SNUPN: variants seen among roughly 807,000 people sequenced by gnomAD.
The protein encoded by SNUPN is snurportin-1.
Under a neutral mutation model 39.2 loss-of-function variants are expected in SNUPN, and 31 were observed. The observed-to-expected ratio is 0.79, with a 90% CI of 0.59 to 1.07. SNUPN has a LOEUF of 1.07. Ranked by LOEUF, SNUPN falls within the 50% of genes least tolerant of loss-of-function variation. The pLI, the probability that SNUPN is intolerant of heterozygous loss-of-function variation, is 0.00. For missense variants in SNUPN, 382 were observed against 434.2 expected, an observed-to-expected ratio of 0.88 and a Z score of 1.07; for synonymous variants, 132 against 159.0, an observed-to-expected ratio of 0.83 and a Z score of 1.28.
intron 8 of SNUPN, 41 bp from the exon 9 acceptor site, chr15:75,598,722 G>A: frequency 2.0e-6 from 3 of 1,503,146 alleles, no homozygotes; most frequent in South Asian, 2.5e-5. Context: ...TGACTTCTGG[G>A]GCCACATGTT....
chr15:75,623,370 C>T (rs1893123259), intron 1 of SNUPN, among the ~76,000 whole-genome samples: 1 of 151,528 alleles, frequency 6.6e-6, no homozygotes. Context: ...AGGATGGTCT[C>T]GATCTCCCGA....
chr15:75,609,391 T>A (rs1292337700), intron 5 of SNUPN, among the ~76,000 whole-genome samples, 167 bp downstream of exon 5: 2 of 151,848 alleles, frequency 1.3e-5, no homozygotes, highest in South Asian at 2.1e-4. Flanking sequence ...GGGTTTCACC[T>A]TGTTAGCCAG....
chr15:75,602,636 C>A (rs1039644502), intron 7 of SNUPN, among the ~76,000 whole-genome samples: 2 of 151,830 alleles, frequency 1.3e-5, no homozygotes, highest in African/African-American at 4.8e-5. Flanking sequence ...GACAGAGTTG[C>A]GCTCTTTCAC....
In SNUPN at chr15:75,611,611, C is replaced by T. The variant is rs561132481; in HGVS notation, c.304-1617G>A. Among the ~76,000 whole-genome samples the T allele has an allele frequency of 2.6e-3, 393 of 151,826 alleles. 3 individuals carry two copies. The highest frequency in any genetic ancestry group is 4.2e-3 in the Non-Finnish European group (286 of 67,938). ...GTGGCTCACGCCTATAATCCCAGCACTTTGAGAGGCTGTGGCGGGCAGATC... is the reference window on the plus strand; with the variant it reads ...GTGGCTCACGCCTATAATCCCAGCATTTTGAGAGGCTGTGGCGGGCAGATC... On this transcript the variant is annotated intron_variant, in intron 3 of 8. Coordinates refer to ENST00000308588, the MANE Select transcript of SNUPN (RefSeq NM_005701.4).
intron 5 of SNUPN, 136 bp downstream of exon 5, chr15:75,609,422 C>T (rs1398462643): frequency 3.0e-6 from 2 of 672,900 alleles, no homozygotes; most frequent in Non-Finnish European, 5.4e-6. Flanking sequence ...ATCTCCTGAC[C>T]TCATGATCCA....
intron 3 of SNUPN, among the ~76,000 whole-genome samples, chr15:75,616,354 A>C (rs1439142298): frequency 6.6e-6 from 1 of 151,986 alleles, no homozygotes; most frequent in Non-Finnish European, 1.5e-5. Context: ...GCTACTCGGG[A>C]GGCTGAAACA....
At chr15:75,621,118 G>A in intron 1 of SNUPN, 62 bp from the exon 2 acceptor site, 1 of 1,498,278 alleles carries the variant, frequency 6.7e-7, no homozygotes, top group Non-Finnish European at 9.2e-7. Flanking sequence ...TATACAGACA[G>A]TTATGCAGTT....
At chr15:75,624,465 C>T (rs1595991123) in intron 1 of SNUPN, among the ~76,000 whole-genome samples, 1 of 143,580 alleles carries the variant, frequency 7.0e-6, no homozygotes, top group East Asian at 2.2e-4. Flanking sequence ...TCGAGACCAT[C>T]CTGGCTAACA....
intron 2 of SNUPN, among the ~76,000 whole-genome samples, chr15:75,620,217 A>G (rs1893033401): frequency 6.6e-6 from 1 of 152,096 alleles, no homozygotes; most frequent in South Asian, 2.1e-4. Flanking sequence ...CACTGGGCAA[A>G]ATGCAGACTG....
intron 6 of SNUPN, 26 bp downstream of exon 6, chr15:75,607,190 G>C (rs1454676052): frequency 6.5e-7 from 1 of 1,537,278 alleles, no homozygotes; most frequent in East Asian, 2.2e-5. Context: ...GACAGGAAGA[G>C]CCACGAGAGG....
chr15:75,599,836 A>ATTTTTTTTTTTTTTTTTTTTTTTT (rs60918008), intron 8 of SNUPN, among the ~76,000 whole-genome samples: 2 of 140,516 alleles, frequency 1.4e-5, no homozygotes. Flanking sequence ...GACTGGGCAG[A>ATTTTTTTTTTTTTTTTTTTTTTTT]TTTTTTTTTT....
At chr15:75,610,032 G>C (rs760369760) in intron 3 of SNUPN, 38 bp from the exon 4 acceptor site, 5 of 1,485,384 alleles carry the variant, frequency 3.4e-6, no homozygotes, top group Non-Finnish European at 3.8e-6. Flanking sequence ...ATCAGCAGGG[G>C]TGTGCTACTC....
chr15:75,601,152 C>T lies in SNUPN; in HGVS notation c.745G>A (p.Asp249Asn). ...GGTTTCGTTACCTCAAAAGGGAAAT[C>T]CATAGATAGCACATCACACAGGCTT... ...PESLCDVLSM[D>N]FPFEVDGLLF... The change falls in exon 8 of 9, where the codon GAT becomes AAT. Residue 249 changes from aspartate (D) to asparagine (N), a missense_variant. Asp to Asn is a conservative substitution (Grantham distance 23). Coordinates refer to ENST00000308588, the MANE Select transcript of SNUPN (RefSeq NM_005701.4). 1 of 1,613,200 alleles carries T rather than the reference C, an allele frequency of 6.2e-7. No individual in the cohort carries two copies. The highest frequency in any genetic ancestry group is 8.5e-7 in the Non-Finnish European group (1 of 1,179,218).
rs1246033213 is a variant in SNUPN at position 75,609,611 on chromosome 15, T to C, written c.449A>G (p.Asn150Ser). 26 of 1,613,932 alleles carry C rather than the reference T, an allele frequency of 1.6e-5. No homozygotes were observed. Among genetic ancestry groups the C allele is most frequent in the Non-Finnish European group, 2.1e-5 (25 of 1,179,878 alleles). ...SAYTKSGYCV[N>S]RFSSLLPGGN... ...TCCTGGCAGAAGTGAAGAAAACCTGTTGACACAGTAGCCACTCTTGGTGTA... is the reference window on the plus strand; with the variant it reads ...TCCTGGCAGAAGTGAAGAAAACCTGCTGACACAGTAGCCACTCTTGGTGTA... Residue 150 changes from asparagine to serine, a missense_variant, in exon 5 of 9, where the codon AAC becomes AGC. Physicochemically the swap from Asn to Ser is conservative, Grantham distance 46. Transcript: ENST00000308588.
chr15:75,625,823 G>C (rs567243810), upstream of SNUPN: 2 of 151,818 alleles, frequency 1.3e-5, no homozygotes, highest in Non-Finnish European at 2.9e-5. Context: ...CCTCCTTTGC[G>C]AACGCTGGGA....
rs892035923 is a variant in SNUPN, at chr15:75,601,158, A to G, written c.739T>C (p.Ser247Pro). ...GTTACCTCAAAAGGGAAATCCATAG[A>G]TAGCACATCACACAGGCTTTCGGGA... ...CTPESLCDVL[S>P]MDFPFEVDGL... The change falls in exon 8 of 9, where the codon TCT (serine) becomes CCT (proline). Residue 247 changes from serine (S) to proline (P), a missense_variant. Coordinates refer to ENST00000308588, the MANE Select transcript of SNUPN (RefSeq NM_005701.4). 4 of 1,613,628 alleles carry G rather than the reference A, an allele frequency of 2.5e-6. No homozygotes were observed. The highest frequency in any genetic ancestry group is 3.4e-6 in the Non-Finnish European group (4 of 1,179,532).
intron 7 of SNUPN, among the ~76,000 whole-genome samples, chr15:75,602,921 T>C (rs926046283): frequency 1.3e-5 from 2 of 152,180 alleles, no homozygotes; most frequent in East Asian, 1.9e-4. Flanking sequence ...TTTTTGTTTG[T>C]ATTTCTTTTG....
At chr15:75,603,170 C>T (rs2075303733) in intron 7 of SNUPN, among the ~76,000 whole-genome samples, 1 of 151,754 alleles carries the variant, frequency 6.6e-6, no homozygotes, top group Admixed American at 6.6e-5. Flanking sequence ...TGCTCAGCCT[C>T]TCAAGTAGCT....
At chr15:75,601,302 T>C (rs1214594554) in intron 7 of SNUPN, 84 bp from the exon 8 acceptor site, 4 of 974,034 alleles carry the variant, frequency 4.1e-6, no homozygotes, top group East Asian at 5.1e-5. Flanking sequence ...AGGCCAGGCA[T>C]AGTGGCTCAC....
Sources: allele counts gnomAD v4.1 joint callset (sites outside exome capture counted in the v4.1 genomes callset), GRCh38; gene constraint gnomAD v4.1.1; transcripts MANE v1.5; gene names NCBI Gene and HGNC (gene_info 2026-07-23, HGNC 2026-07-21).